TET3: variants seen among roughly 807,000 people sequenced by gnomAD.
TET3 encodes methylcytosine dioxygenase TET3.
In TET3, 19 loss-of-function variants were observed where a neutral mutation model predicts 141.4. The ratio of observed to expected loss-of-function variants is 0.13; its 90% confidence interval spans 0.09 to 0.20. The LOEUF (loss-of-function observed/expected upper bound fraction) is 0.20, where lower values mean the gene tolerates loss of function less well. TET3 is among the 10% of genes least tolerant of loss of function. The probability of loss-of-function intolerance (pLI) is 1.00; values close to 1 mark genes in which losing one functional copy is unlikely to be tolerated. For synonymous variants in TET3, 1,043 were observed against 980.9 expected, an observed-to-expected ratio of 1.06 and a Z score of -1.18; for missense variants, 1,874 against 2,356.9, an observed-to-expected ratio of 0.80 and a Z score of 4.24.
Position 74,105,239 on chromosome 2 carries a change from G to A in TET3, c.*3063G>A, listed in dbSNP as rs748313168. The A allele has an allele frequency of 1.8e-5, 7 of 398,442 alleles. No homozygotes were observed. Among genetic ancestry groups the A allele is most frequent in the Admixed American group, 4.4e-5 (1 of 22,708 alleles). 24.7% of individuals were successfully genotyped at this position (398,442 alleles called of 1,614,324 possible). A position where few individuals can be genotyped will look rare whatever the true frequency, so the allele number is the denominator to read the frequency against. On this transcript the variant is annotated 3_prime_UTR_variant, in exon 12 of 12. Coordinates refer to ENST00000409262, the MANE Select transcript of TET3 (RefSeq NM_001287491.2). Reference sequence around the variant, plus strand: ...TATTATAGCAACGGAAATCGATGGCGTCTTAGTCATCTCCCCAGTGTGCCC... The same window carrying A: ...TATTATAGCAACGGAAATCGATGGCATCTTAGTCATCTCCCCAGTGTGCCC...
intron 2 of TET3, among the ~76,000 whole-genome samples, chr2:74,000,303 CTG>C (rs767159326): frequency 3.3e-5 from 5 of 152,194 alleles, no homozygotes; most frequent in Non-Finnish European, 5.9e-5. Context: ...CATTCCAGCT[CTG>C]TGCAGAGCCT....
chr2:74,005,418 C>T (rs2105160709), intron 3 of TET3, among the ~76,000 whole-genome samples: 1 of 152,374 alleles, frequency 6.6e-6, no homozygotes, highest in Middle Eastern at 3.4e-3. Context: ...CCAGCAAACA[C>T]TCAGGTCTGA....
At chr2:74,053,274 C>T (rs1688046962) in intron 4 of TET3, among the ~76,000 whole-genome samples, 2 of 152,182 alleles carry the variant, frequency 1.3e-5, no homozygotes, top group Non-Finnish European at 2.9e-5. Context: ...ACACCATTGT[C>T]AGAAACAGGA....
At chr2:74,010,871 T>C (rs2105190281) in intron 3 of TET3, among the ~76,000 whole-genome samples, 1 of 152,346 alleles carries the variant, frequency 6.6e-6, no homozygotes, top group East Asian at 1.9e-4. Context: ...TTCATAGTTA[T>C]TAAAACCAGA....
intron 10 of TET3, among the ~76,000 whole-genome samples, chr2:74,097,195 G>GCGCA (rs1553435448): frequency 7.5e-4 from 103 of 138,034 alleles, no homozygotes; most frequent in Non-Finnish European, 1.3e-3. Flanking sequence ...AGCCATACAT[G>GCGCA]CACACACACA....
the TET3 span, among the ~76,000 whole-genome samples, chr2:74,118,435 C>T: frequency 0.035 from 5,400 of 152,274 alleles, 314 homozygotes; most frequent in African/African-American, 0.12. Flanking sequence ...AAGCACAGTA[C>T]GGTACTGTAA....
At chr2:74,052,871 AAAAAC>A (rs1186547910) in intron 4 of TET3, among the ~76,000 whole-genome samples, 2 of 152,192 alleles carry the variant, frequency 1.3e-5, no homozygotes, top group African/African-American at 4.8e-5. Flanking sequence ...CTCTGTCTCA[AAAAAC>A]AAAACAAAAC....
At chr2:73,988,598 A>G (rs1337172853) in intron 2 of TET3, among the ~76,000 whole-genome samples, 1 of 151,966 alleles carries the variant, frequency 6.6e-6, no homozygotes, top group Non-Finnish European at 1.5e-5. Flanking sequence ...GCTTAGAGAC[A>G]CCCCTGCTGA....
At chr2:74,131,820 G>A in the TET3 span, among the ~76,000 whole-genome samples, 7 of 151,408 alleles carry the variant, frequency 4.6e-5, no homozygotes, top group Admixed American at 4.6e-4. Flanking sequence ...TAGCCACTGG[G>A]ATTAAACACG....
intron 3 of TET3, among the ~76,000 whole-genome samples, chr2:74,029,287 G>A (rs1335798012): frequency 6.6e-6 from 1 of 152,174 alleles, no homozygotes; most frequent in African/African-American, 2.4e-5. Context: ...TTAGTGCCAA[G>A]TTGCCATCCC....
At chr2:74,066,918 G>A (rs1688935750) in intron 4 of TET3, among the ~76,000 whole-genome samples, 1 of 152,154 alleles carries the variant, frequency 6.6e-6, no homozygotes, top group Non-Finnish European at 1.5e-5. Context: ...CCCAGCATAA[G>A]ACCCTGCAGT....
intron 3 of TET3, among the ~76,000 whole-genome samples, chr2:74,021,929 C>T (rs1358775718): frequency 1.3e-5 from 2 of 152,126 alleles, no homozygotes; most frequent in East Asian, 3.9e-4. Context: ...TGATCAAACT[C>T]TAGGAAATAG....
intron 6 of TET3, 87 bp downstream of exon 6, chr2:74,080,678 A>G (rs887608548): frequency 1.1e-5 from 6 of 547,676 alleles, no homozygotes; most frequent in East Asian, 9.2e-5. Flanking sequence ...CCCTTGCTGC[A>G]TGTAGCTGAG....
Position 74,108,136 on chromosome 2 carries a change from G to A in TET3, c.*5960G>A, listed in dbSNP as rs1273703112. 1 of 153,642 alleles carries A rather than the reference G, an allele frequency of 6.5e-6. No individual in the cohort carries two copies. Among genetic ancestry groups the A allele is most frequent in the Non-Finnish European group, 1.5e-5 (1 of 68,040 alleles). 9.5% of individuals were successfully genotyped at this position (153,642 alleles called of 1,614,324 possible). On this transcript the variant is annotated 3_prime_UTR_variant, in exon 12 of 12. Coordinates refer to ENST00000409262, the MANE Select transcript of TET3 (RefSeq NM_001287491.2). ...ACTCCTGGTATCTTTAAAATATTGT[G>A]GGTGTTTTAATAAATTTTATATTTA...
At chr2:74,044,000 T>TA (rs1050848614) in intron 3 of TET3, among the ~76,000 whole-genome samples, 16 of 151,592 alleles carry the variant, frequency 1.1e-4, no homozygotes, top group Non-Finnish European at 2.2e-4. Flanking sequence ...GCTCTAAAAT[T>TA]AAAAAAAATA....
At chr2:73,985,203 G>GGCGGGAGGC (rs949276516) in intron 1 of TET3, 46 bp downstream of exon 1, 43 of 146,256 alleles carry the variant, frequency 2.9e-4, no homozygotes, top group African/African-American at 8.4e-4. Context: ...GGGGAGGGGC[G>GGCGGGAGGC]GCGGGAGGCG....
intron 4 of TET3, among the ~76,000 whole-genome samples, chr2:74,072,750 T>C (rs1689282024): frequency 6.6e-6 from 1 of 152,162 alleles, no homozygotes; most frequent in Admixed American, 6.5e-5. Context: ...TAACCCCTCA[T>C]TTCCTGCTCC....
At chr2:74,076,441 G>GTTTTTTT (rs70965785) in intron 5 of TET3, among the ~76,000 whole-genome samples, 4 of 56,552 alleles carry the variant, frequency 7.1e-5, no homozygotes, top group Non-Finnish European at 9.8e-5. Flanking sequence ...ATTCCTCTGG[G>GTTTTTTT]TTTTTTTTTT....
intron 8 of TET3, among the ~76,000 whole-genome samples, chr2:74,090,604 C>T (rs929875403): frequency 2.0e-5 from 3 of 152,324 alleles, no homozygotes; most frequent in East Asian, 1.9e-4. Context: ...CCGCTAGGCA[C>T]GGCACCTTCT....
Sources: allele counts gnomAD v4.1 joint callset (sites outside exome capture counted in the v4.1 genomes callset), GRCh38; gene constraint gnomAD v4.1.1; transcripts MANE v1.5; gene names NCBI Gene and HGNC (gene_info 2026-07-23, HGNC 2026-07-21).